GAB1: variants seen among roughly 807,000 people sequenced by gnomAD.
The protein encoded by GAB1 is GRB2 associated binding protein 1, also known as GRB2-associated-binding protein 1.
GAB1 carries 19 observed loss-of-function variants against 66.5 expected under a neutral mutation model. That is an observed-to-expected ratio of 0.29 (90% CI 0.20 to 0.42). The LOEUF (loss-of-function observed/expected upper bound fraction) is 0.42. Among genes scored for constraint, GAB1 ranks in the 10% least tolerant of loss-of-function variants. The pLI is 1.00. For missense variants in GAB1, 732 were observed against 858.5 expected, an observed-to-expected ratio of 0.85 and a Z score of 1.84; for synonymous variants, 294 against 301.4, an observed-to-expected ratio of 0.98 and a Z score of 0.25.
chr4:143,428,248 G>A (rs1325105921), intron 2 of GAB1, among the ~76,000 whole-genome samples: 1 of 152,056 alleles, frequency 6.6e-6, no homozygotes, highest in Non-Finnish European at 1.5e-5. Flanking sequence ...ATTTCCTAGG[G>A]CTTTTACCCA....
chr4:143,403,639 T>C (rs1211061130), intron 1 of GAB1, among the ~76,000 whole-genome samples: 1 of 152,220 alleles, frequency 6.6e-6, no homozygotes, highest in Non-Finnish European at 1.5e-5. Flanking sequence ...AAGAGGAAGA[T>C]GTCATTATTG....
chr4:143,437,595 A>G (rs193196717), intron 3 of GAB1, among the ~76,000 whole-genome samples: 403 of 152,344 alleles, frequency 2.6e-3, no homozygotes, highest in Non-Finnish European at 4.9e-3. Context: ...TGGATCAACT[A>G]TATAAACTGT....
intron 1 of GAB1, among the ~76,000 whole-genome samples, chr4:143,388,327 G>A (rs1157987436): frequency 6.6e-6 from 1 of 152,110 alleles, no homozygotes; most frequent in Non-Finnish European, 1.5e-5. Context: ...CAATGATGGT[G>A]TCTACAAACA....
chr4:143,409,524 A>AT (rs1732257286), intron 1 of GAB1, among the ~76,000 whole-genome samples: 2 of 152,220 alleles, frequency 1.3e-5, no homozygotes, highest in African/African-American at 4.8e-5. Flanking sequence ...AAAAAAAGGA[A>AT]TTAGCTTTCA....
chr4:143,395,620 A>G (rs967782573), intron 1 of GAB1: 9 of 274,334 alleles, frequency 3.3e-5, no homozygotes, highest in African/African-American at 2.1e-4. Context: ...AAAGACCTTT[A>G]GTTGTAACTC....
At chr4:143,468,953 T>A in intron 9 of GAB1, 78 bp from the exon 10 acceptor site, 2 of 1,440,842 alleles carry the variant, frequency 1.4e-6, no homozygotes, top group Non-Finnish European at 1.9e-6. Flanking sequence ...AGTGGATGTG[T>A]TTTGTGTTTT....
chr4:143,423,143 C>T (rs150698968), intron 2 of GAB1, among the ~76,000 whole-genome samples: 2 of 152,304 alleles, frequency 1.3e-5, no homozygotes, highest in Admixed American at 6.5e-5. Flanking sequence ...ACACACAGTG[C>T]AATGCTTGTA....
At chr4:143,345,168 CT>C (rs1051876532) in intron 1 of GAB1, among the ~76,000 whole-genome samples, 2 of 152,206 alleles carry the variant, frequency 1.3e-5, no homozygotes, top group African/African-American at 4.8e-5. Flanking sequence ...TTTAATCATT[CT>C]TTCCTCACCT....
intron 2 of GAB1, among the ~76,000 whole-genome samples, chr4:143,416,877 G>A (rs1443281208): frequency 6.6e-6 from 1 of 152,168 alleles, no homozygotes; most frequent in East Asian, 1.9e-4. Context: ...CATCGCCAAG[G>A]TCTGATTGCA....
chr4:143,429,000 TAAAA>T (rs967786662), intron 2 of GAB1, among the ~76,000 whole-genome samples: 3 of 152,044 alleles, frequency 2.0e-5, no homozygotes, highest in African/African-American at 7.2e-5. Flanking sequence ...GTATAATAAA[TAAAA>T]ATAAATAAAA....
chr4:143,427,206 C>G (rs1733406699), intron 2 of GAB1, among the ~76,000 whole-genome samples: 1 of 152,166 alleles, frequency 6.6e-6, no homozygotes, highest in South Asian at 2.1e-4. Flanking sequence ...ACTCCCCACT[C>G]TAAAGAAGTG....
intron 1 of GAB1, among the ~76,000 whole-genome samples, chr4:143,346,577 G>A (rs1026778382): frequency 1.3e-5 from 2 of 152,178 alleles, no homozygotes; most frequent in African/African-American, 2.4e-5. Context: ...TACCTTCAGC[G>A]TTTTGAATTC....
intron 2 of GAB1, among the ~76,000 whole-genome samples, chr4:143,428,752 C>G (rs1733493901): frequency 6.7e-6 from 1 of 149,048 alleles, no homozygotes; most frequent in Non-Finnish European, 1.5e-5. Flanking sequence ...CTCTCCAGTC[C>G]TCATTTTTGT....
chr4:143,375,417 A>G (rs917818747), intron 1 of GAB1, among the ~76,000 whole-genome samples: 1 of 152,240 alleles, frequency 6.6e-6, no homozygotes, highest in East Asian at 1.9e-4. Context: ...TTCTTGCCGT[A>G]TCTGAGCACT....
At chr4:143,392,692 A>C (rs1449852972) in intron 1 of GAB1, among the ~76,000 whole-genome samples, 2 of 152,164 alleles carry the variant, frequency 1.3e-5, no homozygotes, top group African/African-American at 4.8e-5. Flanking sequence ...CTGACATTGA[A>C]GATAATGAAT....
In GAB1 at chr4:143,337,249, T is replaced by C. The variant is rs2149637656; in HGVS notation, c.61T>C (p.Leu21=). The change falls in exon 1 of 10, where the codon TTG becomes CTG. Residue 21 remains leucine (L), a synonymous_variant. Transcript: ENST00000262994. Reference sequence around the variant, plus strand: ...CCGCAAGTCCCCCCCGGAGAAAAAGTTGAAGCGTTATGTAAGTAGAGCTGC... The same window carrying C: ...CCGCAAGTCCCCCCCGGAGAAAAAGCTGAAGCGTTATGTAAGTAGAGCTGC... ...WLRKSPPEKK[L]KRYAWKRRWF... 1 of 1,580,638 alleles carries C rather than the reference T, an allele frequency of 6.3e-7. No individual in the cohort carries two copies. Among genetic ancestry groups the C allele is most frequent in the Non-Finnish European group, 8.6e-7 (1 of 1,162,734 alleles).
chr4:143,435,330 C>T (rs1356501062), intron 3 of GAB1, among the ~76,000 whole-genome samples: 1 of 152,100 alleles, frequency 6.6e-6, no homozygotes, highest in East Asian at 1.9e-4. Flanking sequence ...CAAATTCTAA[C>T]TTGATTTTGC....
At chr4:143,449,081 T>C (rs1271107181) in intron 6 of GAB1, among the ~76,000 whole-genome samples, 2 of 149,462 alleles carry the variant, frequency 1.3e-5, no homozygotes, top group Non-Finnish European at 3.0e-5. Context: ...TTGTTCAGTT[T>C]CCATGTAGTT....
intron 6 of GAB1, among the ~76,000 whole-genome samples, chr4:143,449,977 A>G (rs1218547864): frequency 6.6e-6 from 1 of 152,112 alleles, no homozygotes; most frequent in Non-Finnish European, 1.5e-5. Flanking sequence ...CTACATGTAT[A>G]CACTAATAAG....
Sources: gnomAD v4.1 joint callset for allele counts (sites outside exome capture counted in the v4.1 genomes callset) on GRCh38, gnomAD v4.1.1 for gene constraint, MANE v1.5 for transcripts, NCBI Gene and HGNC (gene_info 2026-07-23, HGNC 2026-07-21) for gene names.